POR: variants seen among roughly 807,000 people sequenced by gnomAD.
POR encodes NADPH--cytochrome P450 reductase.
A neutral mutation model predicts 84.0 loss-of-function variants in POR; 56 were observed. That is an observed-to-expected ratio of 0.67 (90% confidence interval 0.54 to 0.83). The LOEUF (loss-of-function observed/expected upper bound fraction) is 0.83, where lower values mean the gene tolerates loss of function less well. Among genes scored for constraint, POR ranks in the 40% least tolerant of loss-of-function variants. POR has a pLI of 0.00. For synonymous variants in POR, 414 were observed against 400.5 expected (o/e 1.03, Z -0.40); for missense variants, 938 against 944.3 (o/e 0.99, Z 0.09).
chr7:75,983,484 C>T, intron 8 of POR, 36 bp from the exon 9 acceptor site: 1 of 1,486,834 alleles, frequency 6.7e-7, no homozygotes, highest in Non-Finnish European at 9.4e-7. Flanking sequence ...GATCAAAGCC[C>T]CGGCCGCTCA....
At chr7:75,968,039 A>G (rs1322742979) in intron 2 of POR, 1 of 454,484 alleles carries the variant, frequency 2.2e-6, no homozygotes, top group Non-Finnish European at 4.4e-6. Flanking sequence ...GAGAGCTGTG[A>G]CCCTCCTTTT....
intron 1 of POR, among the ~76,000 whole-genome samples, chr7:75,935,317 G>C (rs1054259152): frequency 2.0e-5 from 3 of 152,100 alleles, no homozygotes; most frequent in Non-Finnish European, 1.5e-5. Flanking sequence ...CGCTATCTCA[G>C]TTCACTGCAA....
chr7:75,981,296 A>C, intron 6 of POR, 124 bp downstream of exon 6: 1 of 1,388,608 alleles, frequency 7.2e-7, no homozygotes, highest in Non-Finnish European at 9.5e-7. Flanking sequence ...ACACAGAGGG[A>C]AGGGGCTCTC....
chr7:75,944,352 C>T lies in POR; in HGVS notation c.-4-9637C>T, dbSNP rs1305441493. Among the ~76,000 whole-genome samples the T allele has an allele frequency of 2.6e-5, 4 of 152,158 alleles. No homozygotes were observed. The East Asian group carries it at 7.7e-4, about 29-fold the overall frequency. On this transcript the variant is annotated intron_variant, in intron 1 of 15. Transcript: ENST00000461988. ...GACCAGCCCCAGCAACATGGTGAGA[C>T]CCTGTCTTTACTAAAAATACAAAAA...
At chr7:75,972,258 G>T (rs1554556250) in intron 2 of POR, among the ~76,000 whole-genome samples, 155 bp from the exon 3 acceptor site, 1 of 152,110 alleles carries the variant, frequency 6.6e-6, no homozygotes, top group Non-Finnish European at 1.5e-5. Flanking sequence ...TGCTGGCTTA[G>T]CCCCTGGGGA....
intron 1 of POR, among the ~76,000 whole-genome samples, chr7:75,948,948 G>A (rs2116383133): frequency 6.6e-6 from 1 of 152,286 alleles, no homozygotes; most frequent in Non-Finnish European, 1.5e-5. Context: ...CATCTGAGCA[G>A]AAACTTAAAT....
intron 1 of POR, among the ~76,000 whole-genome samples, chr7:75,930,319 G>A (rs1260559721): frequency 6.6e-6 from 1 of 151,926 alleles, no homozygotes; most frequent in Non-Finnish European, 1.5e-5. Context: ...CCTTGTTTTA[G>A]AGACATTCAG....
intron 1 of POR, among the ~76,000 whole-genome samples, chr7:75,937,106 C>A (rs982037224): frequency 6.6e-6 from 1 of 151,442 alleles, no homozygotes; most frequent in Non-Finnish European, 1.5e-5. Context: ...GGATTACAGG[C>A]GTGAGCCACC....
At chr7:75,916,409 G>T (rs1806569423) in intron 1 of POR, among the ~76,000 whole-genome samples, 1 of 152,178 alleles carries the variant, frequency 6.6e-6, no homozygotes, top group African/African-American at 2.4e-5. Context: ...TGGTTATGGG[G>T]TTGGCTTGGT....
rs113806394 is a variant in POR, at chr7:75,931,407, C to T, written c.-5+16228C>T. 4.2e-3 allele frequency among the ~76,000 whole-genome samples: 634 copies of T among 151,934 alleles called. 4 individuals carry two copies. Among genetic ancestry groups the T allele is most frequent in the African/African-American group, 0.011 (476 of 41,398 alleles). On this transcript the variant is annotated intron_variant, in intron 1 of 15. Coordinates refer to ENST00000461988, the MANE Select transcript of POR (RefSeq NM_000941.3). ...TTTGAGACACAGTCTCCCTCTCTCA[C>T]GCAGGCTATAATGCAGTGGTGCAGT... is the stretch of plus-strand genomic sequence containing the variant.
At chr7:75,958,042 C>T (rs550525387) in intron 2 of POR, among the ~76,000 whole-genome samples, 1 of 152,314 alleles carries the variant, frequency 6.6e-6, no homozygotes, top group South Asian at 2.1e-4. Context: ...GCTGTGAAAA[C>T]TGAGTTAATC....
chr7:75,952,971 G>T (rs1563413904), intron 1 of POR, among the ~76,000 whole-genome samples: 3 of 152,134 alleles, frequency 2.0e-5, no homozygotes, highest in Admixed American at 1.3e-4. Flanking sequence ...CAAGGCAGGC[G>T]GCTGGGAGGT....
At chr7:75,927,968 C>CT (rs1243977285) in intron 1 of POR, among the ~76,000 whole-genome samples, 7,317 of 107,000 alleles carry the variant, frequency 0.068, 370 homozygotes, top group Non-Finnish European at 0.082. Flanking sequence ...TCTCAGGTTT[C>CT]TTTTTTTTTT....
Position 75,942,569 on chromosome 7 carries a change from T to C in POR, c.-4-11420T>C, listed in dbSNP as rs549145823. On this transcript the variant is annotated intron_variant, in intron 1 of 15. Transcript: ENST00000461988. Reference sequence around the variant, plus strand: ...AGAGCTGCTCAATTGTACAGTTAAATGGATTTTAAAATATGGGAATTTCCT... The same window carrying C: ...AGAGCTGCTCAATTGTACAGTTAAACGGATTTTAAAATATGGGAATTTCCT... Among the ~76,000 whole-genome samples the C allele has an allele frequency of 5.3e-4, 80 of 151,484 alleles. No individual in the cohort carries two copies. The Middle Eastern group carries it at 0.01, about 19-fold the overall frequency.
At chr7:75,917,682 C>T (rs1009331461) in intron 1 of POR, among the ~76,000 whole-genome samples, 1 of 151,642 alleles carries the variant, frequency 6.6e-6, no homozygotes, top group Non-Finnish European at 1.5e-5. Flanking sequence ...CTCGCTCTGT[C>T]GCCCAGGCTG....
intron 1 of POR, among the ~76,000 whole-genome samples, chr7:75,940,381 C>T (rs1554551361): frequency 6.6e-6 from 1 of 152,058 alleles, no homozygotes; most frequent in Non-Finnish European, 1.5e-5. Flanking sequence ...GCCGCTGTGC[C>T]TGGCTTACTC....
At chr7:75,941,496 CTG>C (rs1179840317) in intron 1 of POR, among the ~76,000 whole-genome samples, 3 of 152,196 alleles carry the variant, frequency 2.0e-5, no homozygotes, top group African/African-American at 7.2e-5. Context: ...CCTCCGGCAT[CTG>C]TACTGCCCAG....
At chr7:75,936,430 C>T (rs1326367750) in intron 1 of POR, among the ~76,000 whole-genome samples, 1 of 151,960 alleles carries the variant, frequency 6.6e-6, no homozygotes, top group Non-Finnish European at 1.5e-5. Flanking sequence ...GTGTTGGGGA[C>T]TACTGTGCCC....
chr7:75,986,344 C>T lies in POR; in HGVS notation c.1906C>T (p.Arg636Trp). Residue 636 changes from arginine (R) to tryptophan (W), a missense_variant, in exon 16 of 16, where the codon CGG becomes TGG. Physicochemically the swap from Arg to Trp is moderately radical, Grantham distance 101. Transcript: ENST00000461988. ...CCCCCTCTTCCTGCCCAGGGATGCACGGAACATGGCCAGGGATGTGCAGAA... is the reference window on the plus strand; with the variant it reads ...CCCCCTCTTCCTGCCCAGGGATGCATGGAACATGGCCAGGGATGTGCAGAA... The T allele has an allele frequency of 6.2e-7, 1 of 1,612,500 alleles. No individual in the cohort carries two copies. Among genetic ancestry groups the T allele is most frequent in the Non-Finnish European group, 8.5e-7 (1 of 1,179,810 alleles).
Sources: allele counts gnomAD v4.1 joint callset (sites outside exome capture counted in the v4.1 genomes callset), GRCh38; gene constraint gnomAD v4.1.1; transcripts MANE v1.5; gene names NCBI Gene and HGNC (gene_info 2026-07-23, HGNC 2026-07-21).